CSMD1: variants seen among roughly 807,000 people sequenced by gnomAD.
CSMD1 encodes the protein CUB and Sushi multiple domains 1.
A neutral mutation model predicts 417.5 loss-of-function variants in CSMD1; 213 were observed. The observed-to-expected ratio is 0.51, with a 90% CI of 0.46 to 0.57. CSMD1 has a LOEUF of 0.57. CSMD1 is among the 20% of genes least tolerant of loss of function. The pLI is 0.00. For missense variants in CSMD1, 6,923 were observed against 4,529.7 expected (o/e 1.53, Z -15.17); for synonymous variants, 2,862 against 1,736.8 (o/e 1.65, Z -16.11).
chr8:3,087,862 C>T (rs1814655720), intron 48 of CSMD1, among the ~76,000 whole-genome samples: 1 of 152,208 alleles, frequency 6.6e-6, no homozygotes, highest in South Asian at 2.1e-4. Flanking sequence ...TAGGGTACTG[C>T]ACAAGACATC....
chr8:3,455,369 T>A (rs1301292683), intron 12 of CSMD1, among the ~76,000 whole-genome samples: 1 of 152,242 alleles, frequency 6.6e-6, no homozygotes, highest in Non-Finnish European at 1.5e-5. Flanking sequence ...CTGCTTTCCT[T>A]TGGAGGAGGA....
At chr8:3,062,803 T>C (rs1234320091) in intron 49 of CSMD1, among the ~76,000 whole-genome samples, 1 of 152,212 alleles carries the variant, frequency 6.6e-6, no homozygotes, top group Non-Finnish European at 1.5e-5. Flanking sequence ...ATAAAGCCTC[T>C]AGAATGTTTA....
intron 3 of CSMD1, among the ~76,000 whole-genome samples, chr8:4,291,682 C>T (rs548254778): frequency 6.6e-6 from 1 of 152,092 alleles, no homozygotes; most frequent in African/African-American, 2.4e-5. Context: ...ATACAAAATT[C>T]TTTATTCAAC....
At chr8:3,295,283 C>A (rs1011447020) in intron 25 of CSMD1, among the ~76,000 whole-genome samples, 2 of 151,928 alleles carry the variant, frequency 1.3e-5, no homozygotes, top group Admixed American at 1.3e-4. Context: ...CACCACCACA[C>A]ATGGCTAATT....
intron 1 of CSMD1, among the ~76,000 whole-genome samples, chr8:4,761,909 ATCAATCT>A (rs1812125281): frequency 9.2e-4 from 65 of 70,578 alleles, no homozygotes; most frequent in East Asian, 1.8e-3. Context: ...CTATCTATCT[ATCAATCT>A]ATCTATCTAT....
At chr8:3,365,834 G>T (rs1326208714) in intron 20 of CSMD1, among the ~76,000 whole-genome samples, 1 of 152,178 alleles carries the variant, frequency 6.6e-6, no homozygotes, top group East Asian at 1.9e-4. Context: ...AAGGATTAGG[G>T]GTGTCGATCC....
chr8:4,487,749 A>T (rs1801490483), intron 2 of CSMD1, among the ~76,000 whole-genome samples: 1 of 152,236 alleles, frequency 6.6e-6, no homozygotes, highest in Admixed American at 6.5e-5. Flanking sequence ...TACTCAGTCT[A>T]ACTGCCTTAA....
chr8:4,010,615 C>G lies in CSMD1; in HGVS notation c.611-12505G>C, dbSNP rs566058287. Among the ~76,000 whole-genome samples, 5 of 152,206 alleles carry G rather than the reference C, an allele frequency of 3.3e-5. No homozygotes were observed. The South Asian group carries it at 6.2e-4, about 19-fold the overall frequency. On this transcript the variant is annotated intron_variant, in intron 4 of 69. Transcript: ENST00000635120. ...TACATTCTGAGCCCAACTCTCCATA[C>G]CAGGTCACTTACCCAAACACCTAAA...
chr8:4,413,569 T>G (rs1358917622), intron 3 of CSMD1, among the ~76,000 whole-genome samples: 1 of 152,118 alleles, frequency 6.6e-6, no homozygotes, highest in Non-Finnish European at 1.5e-5. Flanking sequence ...AAAAATTATT[T>G]TATCATAGCA....
chr8:3,191,756 T>A (rs1796438566), intron 33 of CSMD1, among the ~76,000 whole-genome samples: 1 of 152,110 alleles, frequency 6.6e-6, no homozygotes, highest in Non-Finnish European at 1.5e-5. Flanking sequence ...GGCAAAGAGG[T>A]CCATCACACT....
At chr8:4,332,806 GAGA>G (rs1418777876) in intron 3 of CSMD1, among the ~76,000 whole-genome samples, 1 of 151,962 alleles carries the variant, frequency 6.6e-6, no homozygotes, top group African/African-American at 2.4e-5. Context: ...GTGGAGACAG[GAGA>G]AGTTTTCAGG....
At chr8:3,919,361 C>G (rs1472280267) in intron 5 of CSMD1, among the ~76,000 whole-genome samples, 2 of 152,076 alleles carry the variant, frequency 1.3e-5, no homozygotes, top group African/African-American at 4.8e-5. Flanking sequence ...ACGACATACT[C>G]AGTTGTCTCA....
chr8:2,961,546 T>C (rs994014162), intron 61 of CSMD1, among the ~76,000 whole-genome samples: 4 of 152,196 alleles, frequency 2.6e-5, no homozygotes, highest in African/African-American at 9.7e-5. Context: ...ATCACTATCT[T>C]TTTGCTTATT....
chr8:3,257,428 C>G (rs1285986626), intron 26 of CSMD1, among the ~76,000 whole-genome samples: 1 of 152,150 alleles, frequency 6.6e-6, no homozygotes. Context: ...AGGTTAGATT[C>G]TCAAGGGAGG....
At chr8:3,142,873 G>A (rs1338600907) in intron 40 of CSMD1, among the ~76,000 whole-genome samples, 199 bp from the exon 41 acceptor site, 1 of 152,114 alleles carries the variant, frequency 6.6e-6, no homozygotes, top group African/African-American at 2.4e-5. Flanking sequence ...TTTGCCGCAT[G>A]GTCTTTTTCC....
chr8:3,004,340 G>A (rs1807688931), intron 52 of CSMD1, among the ~76,000 whole-genome samples: 1 of 152,138 alleles, frequency 6.6e-6, no homozygotes. Flanking sequence ...TCACAGCTCG[G>A]ACATCATGAA....
chr8:3,794,439 T>C lies in CSMD1; in HGVS notation c.819-40397A>G, dbSNP rs1015511529. Among the ~76,000 whole-genome samples, 7 of 152,284 alleles carry C rather than the reference T, an allele frequency of 4.6e-5. No homozygotes were observed. The East Asian group carries it at 5.8e-4, about 13-fold the overall frequency. On this transcript the variant is annotated intron_variant, in intron 5 of 69. Coordinates refer to ENST00000635120, the MANE Select transcript of CSMD1 (RefSeq NM_033225.6). ...GTACCTTTGTTAAATGTAGTGATCA[T>C]AGAATCAGTACTTATAAACCAATTA...
At position 4,287,069 on chromosome 8, in the gene CSMD1, G is replaced by C. The variant is rs77044435; in HGVS notation, c.415+132884C>G. Among the ~76,000 whole-genome samples the C allele has an allele frequency of 6.8e-4, 103 of 152,268 alleles. 1 individual carries two copies. In the East Asian group the frequency reaches 0.017, roughly 25 times the overall value. ...ATTGTACACTAAGGCTTAGTAACTT[G>C]AGAGAACAAAAAAGAGTTTCAATCT... On this transcript the variant is annotated intron_variant, in intron 3 of 69. Coordinates refer to ENST00000635120, the MANE Select transcript of CSMD1 (RefSeq NM_033225.6).
intron 8 of CSMD1, among the ~76,000 whole-genome samples, chr8:3,608,261 G>C (rs113384790): frequency 1.1e-4 from 16 of 152,104 alleles, no homozygotes; most frequent in African/African-American, 3.9e-4. Flanking sequence ...TGTCAGGACA[G>C]ATATTGCAGC....
Sources: allele counts gnomAD v4.1 joint callset (sites outside exome capture counted in the v4.1 genomes callset), GRCh38; gene constraint gnomAD v4.1.1; transcripts MANE v1.5; gene names NCBI Gene and HGNC (gene_info 2026-07-23, HGNC 2026-07-21).